Variants in CUL1 observed in about 807,000 individuals in gnomAD.
CUL1 encodes the protein cullin 1.
CUL1 carries 24 observed loss-of-function variants against 118.0 expected under a neutral mutation model. The ratio of observed to expected loss-of-function variants is 0.20; its 90% CI spans 0.15 to 0.29. CUL1 has a LOEUF of 0.29. Ranked by LOEUF, CUL1 falls within the 10% of genes least tolerant of loss-of-function variation. The probability of loss-of-function intolerance (pLI) is 1.00; values close to 1 mark genes in which losing one functional copy is unlikely to be tolerated. For synonymous variants in CUL1, 332 were observed against 340.4 expected (o/e 0.98, Z 0.27); for missense variants, 361 against 933.8 (o/e 0.39, Z 7.99).
intron 2 of CUL1, among the ~76,000 whole-genome samples, chr7:148,753,180 A>G (rs1410375675): frequency 1.8e-4 from 27 of 148,238 alleles, no homozygotes; most frequent in South Asian, 2.1e-4. Context: ...GTATCTTTAT[A>G]TAGTAAATTC....
chr7:148,791,056 C>G (rs1220910588), intron 16 of CUL1, among the ~76,000 whole-genome samples: 2 of 152,130 alleles, frequency 1.3e-5, no homozygotes, highest in Non-Finnish European at 2.9e-5. Flanking sequence ...TGTGGTGGCT[C>G]ACGCTTGTAA....
chr7:148,737,339 G>A lies in CUL1; in HGVS notation c.140+7077G>A, dbSNP rs570595496. ...AGTTCATTATAATCAATTGCAATTA[G>A]TTTTTACTTTTGAAGTATGCTATTA... On this transcript the variant is annotated intron_variant, in intron 2 of 21. Transcript: ENST00000325222. 6.6e-5 allele frequency among the ~76,000 whole-genome samples: 10 copies of A among 151,996 alleles called. No individual in the cohort carries two copies. In the South Asian group the frequency reaches 1.9e-3, roughly 28 times the overall value.
chr7:148,759,693 AC>A, intron 6 of CUL1, 55 bp downstream of exon 6: 1 of 912,058 alleles, frequency 1.1e-6, no homozygotes, highest in South Asian at 1.6e-5. Context: ...GGCAATTACA[AC>A]AATGCTCTAA....
At chr7:148,720,877 A>T (rs1051803759) in intron 1 of CUL1, among the ~76,000 whole-genome samples, 1 of 152,218 alleles carries the variant, frequency 6.6e-6, no homozygotes, top group African/African-American at 2.4e-5. Flanking sequence ...AAACTGTAGA[A>T]ATGTATTATT....
intron 1 of CUL1, among the ~76,000 whole-genome samples, chr7:148,728,444 A>G (rs554386634): frequency 6.6e-6 from 1 of 152,332 alleles, no homozygotes; most frequent in African/African-American, 2.4e-5. Context: ...GGGTAGGTCC[A>G]AACAGTTGAT....
intron 1 of CUL1, among the ~76,000 whole-genome samples, chr7:148,707,616 T>C (rs960883533): frequency 2.0e-5 from 3 of 152,112 alleles, no homozygotes; most frequent in Non-Finnish European, 4.4e-5. Flanking sequence ...CCTGCATACA[T>C]TAGCTGTTTT....
chr7:148,708,057 C>T (rs1584755801), intron 1 of CUL1, among the ~76,000 whole-genome samples: 1 of 152,298 alleles, frequency 6.6e-6, no homozygotes, highest in East Asian at 1.9e-4. Context: ...GTGCAGAATA[C>T]TTGCTGTTCC....
In CUL1 at chr7:148,788,613, C is replaced by T. The variant is rs372179870; in HGVS notation, c.1536C>T (p.Gly512=). The change falls in exon 14 of 22, where the codon GGC becomes GGT. Residue 512 remains glycine, a synonymous_variant. Transcript: ENST00000325222. ...TTCAGCGCATGTTTCAAGACATTGG[C>T]GTGAGCAAAGATCTGAACGAGCAAT... The part of the protein sequence containing the change: ...SKLQRMFQDI[G]VSKDLNEQFK... The T allele has an allele frequency of 4.2e-5, 67 of 1,614,036 alleles. No homozygotes were observed. Among genetic ancestry groups the T allele is most frequent in the South Asian group, 3.1e-4 (28 of 91,084 alleles).
chr7:148,797,750 G>A (rs1378952891), intron 17 of CUL1, 62 bp from the exon 18 acceptor site: 2 of 1,242,558 alleles, frequency 1.6e-6, no homozygotes, highest in African/African-American at 3.0e-5. Flanking sequence ...GTTGCCTGTG[G>A]TGGTTATTGC....
intron 16 of CUL1, among the ~76,000 whole-genome samples, chr7:148,790,860 C>T (rs1430594563): frequency 6.6e-6 from 1 of 152,198 alleles, no homozygotes; most frequent in African/African-American, 2.4e-5. Flanking sequence ...TAATAACACT[C>T]AGTGCTGACA....
chr7:148,752,622 T>C (rs138424416), intron 2 of CUL1, among the ~76,000 whole-genome samples: 250 of 152,294 alleles, frequency 1.6e-3, no homozygotes, highest in African/African-American at 5.6e-3. Context: ...TAGTTTAAGG[T>C]ATTTCATCTT....
chr7:148,711,303 CA>C (rs1798042094), intron 1 of CUL1, among the ~76,000 whole-genome samples: 1 of 152,170 alleles, frequency 6.6e-6, no homozygotes, highest in Non-Finnish European at 1.5e-5. Context: ...TGCTTTTTAG[CA>C]AATGCAGCAT....
chr7:148,795,218 T>C (rs962591192), intron 17 of CUL1, among the ~76,000 whole-genome samples: 8 of 152,090 alleles, frequency 5.3e-5, no homozygotes, highest in Admixed American at 2.0e-4. Context: ...CAGTCATAGC[T>C]CACTGCGGTA....
intron 7 of CUL1, among the ~76,000 whole-genome samples, chr7:148,763,610 A>G (rs1269485034): frequency 6.6e-6 from 1 of 152,162 alleles, no homozygotes; most frequent in Admixed American, 6.5e-5. Context: ...AGTATTTACA[A>G]ATTTTAACAT....
chr7:148,703,172 T>TAA (rs1797772065), intron 1 of CUL1, among the ~76,000 whole-genome samples: 1 of 152,152 alleles, frequency 6.6e-6, no homozygotes, highest in Non-Finnish European at 1.5e-5. Flanking sequence ...TGAAAATGCT[T>TAA]TAAGGACTGA....
chr7:148,748,478 A>G (rs1190221694), intron 2 of CUL1, among the ~76,000 whole-genome samples: 1 of 152,224 alleles, frequency 6.6e-6, no homozygotes, highest in African/African-American at 2.4e-5. Context: ...TACCAGGAAT[A>G]TAATTTCAAA....
intron 1 of CUL1, among the ~76,000 whole-genome samples, chr7:148,701,408 A>G (rs1002378180): frequency 2.0e-5 from 3 of 152,274 alleles, no homozygotes; most frequent in Non-Finnish European, 2.9e-5. Context: ...CAGGTTTTCT[A>G]TACCTATGGA....
At chr7:148,722,592 T>G (rs1798431710) in intron 1 of CUL1, among the ~76,000 whole-genome samples, 1 of 152,206 alleles carries the variant, frequency 6.6e-6, no homozygotes, top group African/African-American at 2.4e-5. Context: ...ACTCTGGAGT[T>G]CCTCTCTGCA....
At position 148,800,597 on chromosome 7, in the gene CUL1, TCTGA is replaced by T. The variant is rs757312611; in HGVS notation, c.*19_*22del. On this transcript the variant is annotated 3_prime_UTR_variant, in exon 22 of 22. Transcript: ENST00000325222. The surrounding 1 kb of genome is among the most constrained non-coding windows in gnomAD (Gnocchi z 4.6). Reference sequence around the variant, plus strand: ...ACTTGGCTTAACCCTTCTGGAAGGGTCTGACTGTGTGACCCGCAGCAAATAGTTC... The same window carrying T: ...ACTTGGCTTAACCCTTCTGGAAGGGTCTGTGTGACCCGCAGCAAATAGTTC... 8.2e-5 allele frequency: 130 copies of T among 1,587,572 alleles called. No homozygotes were observed. Among genetic ancestry groups the T allele is most frequent in the African/African-American group, 3.1e-4 (23 of 74,248 alleles).
Sources: allele counts gnomAD v4.1 joint callset (sites outside exome capture counted in the v4.1 genomes callset), GRCh38; gene constraint gnomAD v4.1.1; non-coding constraint Gnocchi (gnomAD v3.1); transcripts MANE v1.5; gene names NCBI Gene and HGNC (gene_info 2026-07-23, HGNC 2026-07-21).